Variants in NFIC observed in about 807,000 individuals in gnomAD.
NFIC encodes nuclear factor I C.
A neutral mutation model predicts 54.4 loss-of-function variants in NFIC; 12 were observed. The ratio of observed to expected loss-of-function variants is 0.22; its 90% CI spans 0.14 to 0.36. The LOEUF is 0.36. NFIC is among the 10% of genes least tolerant of loss of function. The pLI, the probability that NFIC is intolerant of heterozygous loss-of-function variation, is 1.00. For missense variants in NFIC, 575 were observed against 718.2 expected, an observed-to-expected ratio of 0.80 and a Z score of 2.28; for synonymous variants, 322 against 319.2, an observed-to-expected ratio of 1.01 and a Z score of -0.09.
rs555519692 is a variant in NFIC at position 3,409,773 on chromosome 19, AG to A, written c.563-15332del. 4.1e-4 allele frequency among the ~76,000 whole-genome samples: 62 copies of A among 152,332 alleles called. No homozygotes were observed. In the South Asian group the frequency reaches 0.012, roughly 30 times the overall value. On this transcript the variant is annotated intron_variant, in intron 2 of 10. Transcript: ENST00000443272. ...TGTGTCCGCCCCGTCAGTGCCATCC[AG>A]CGTGCGTGGCTGTTGTGCATCATTT...
chr19:3,359,727 T>C lies in NFIC; in HGVS notation c.3+42T>C, dbSNP rs551632058. 8.5e-6 allele frequency: 12 copies of C among 1,409,324 alleles called. No individual in the cohort carries two copies. The African/African-American group carries it at 1.3e-4, about 16-fold the overall frequency. 87.3% of individuals were successfully genotyped at this position (1,409,324 alleles called of 1,614,324 possible). A position where few individuals can be genotyped will look rare whatever the true frequency, so the allele number is the denominator to read the frequency against. On this transcript the variant is annotated intron_variant, in intron 1 of 9. Coordinates refer to the NFIC transcript ENST00000395111. ...ACTTTCGTTTTCGCCCGGGGACTTTTTGGGGTGGTGCGTGGGCTCCGGGCG... is the reference window on the plus strand; with the variant it reads ...ACTTTCGTTTTCGCCCGGGGACTTTCTGGGGTGGTGCGTGGGCTCCGGGCG...
upstream of NFIC, among the ~76,000 whole-genome samples, chr19:3,361,983 A>T (rs1032138731): frequency 9.2e-5 from 14 of 152,192 alleles, no homozygotes; most frequent in African/African-American, 3.4e-4. Context: ...GTGCACAGAC[A>T]CACATGGGCA....
At chr19:3,424,273 C>G (rs987344061) in intron 2 of NFIC, among the ~76,000 whole-genome samples, 1 of 152,158 alleles carries the variant, frequency 6.6e-6, no homozygotes, top group African/African-American at 2.4e-5. Flanking sequence ...AGTGATTTTC[C>G]TGCCTTGGCC....
chr19:3,444,158 T>A (rs1439982654), intron 6 of NFIC, among the ~76,000 whole-genome samples: 1 of 137,704 alleles, frequency 7.3e-6, no homozygotes, highest in African/African-American at 2.8e-5. Flanking sequence ...TCCGACGGGG[T>A]GATGAGGGCC....
chr19:3,449,206 G>T lies in NFIC; in HGVS notation c.1084+67G>T, dbSNP rs1297285359. 1.9e-6 allele frequency: 3 copies of T among 1,555,944 alleles called. No homozygotes were observed. The Admixed American group carries it at 6.0e-5, about 31-fold the overall frequency. ...TCCTATCAGGCCTCTCACAGCCGGG[G>T]AAGTCCCACTGGATGTCTGACCATG... On this transcript the variant is annotated intron_variant, in intron 7 of 10. Coordinates refer to ENST00000443272, the MANE Select transcript of NFIC (RefSeq NM_001245002.2).
At chr19:3,412,810 C>T (rs575431478) in intron 2 of NFIC, among the ~76,000 whole-genome samples, 1 of 152,280 alleles carries the variant, frequency 6.6e-6, no homozygotes, top group African/African-American at 2.4e-5. Flanking sequence ...ACCCTGACTC[C>T]CACCTCAGTG....
In NFIC at chr19:3,453,620, A is replaced by ACC. The variant is rs1422352890; in HGVS notation, c.1270-141_1270-140dup. 3 of 1,185,512 alleles carry ACC rather than the reference A, an allele frequency of 2.5e-6. No homozygotes were observed. The highest frequency in any genetic ancestry group is 3.5e-5 in the Admixed American group (1 of 28,490). The allele number at this position is 1,185,512 out of a possible 1,614,324, so 73.4% of individuals were successfully genotyped here. On this transcript the variant is annotated intron_variant, in intron 8 of 10. Coordinates refer to ENST00000443272, the MANE Select transcript of NFIC (RefSeq NM_001245002.2). The surrounding 1 kb of genome is among the most constrained non-coding windows in gnomAD (Gnocchi z 6.7). ...CTCCGGCCGTCCTCAGACCCACCAAACCCGCCATGGTCACACCCGCGCCCT... is the reference window on the plus strand; with the variant it reads ...CTCCGGCCGTCCTCAGACCCACCAAACCCCCGCCATGGTCACACCCGCGCCCT...
At chr19:3,372,417 A>G (rs1029480297) in intron 1 of NFIC, among the ~76,000 whole-genome samples, 2 of 152,074 alleles carry the variant, frequency 1.3e-5, no homozygotes. Flanking sequence ...ATGGGGGTGC[A>G]TGGATAAGGG....
chr19:3,462,994 CAAG>C lies in NFIC; in HGVS notation c.*230_*232del, dbSNP rs1323809519. The C allele has an allele frequency of 1.4e-6, 2 of 1,403,742 alleles. No individual in the cohort carries two copies. 87.0% of individuals were successfully genotyped at this position (1,403,742 alleles called of 1,614,324 possible). On this transcript the variant is annotated 3_prime_UTR_variant, in exon 11 of 11. Transcript: ENST00000443272. Reference sequence around the variant, plus strand: ...AAGAAGAAATAAAAACCCACCCAAGCAAGAAGACAAAAGGTAAAGACGCAACGT... The same window carrying C: ...AAGAAGAAATAAAAACCCACCCAAGCAAGACAAAAGGTAAAGACGCAACGT...
Position 3,452,028 on chromosome 19 carries a change from T to G in NFIC, c.1085-454T>G, listed in dbSNP as rs1182131724. Among the ~76,000 whole-genome samples the G allele has an allele frequency of 6.7e-6, 1 of 149,200 alleles. No individual in the cohort carries two copies. Among genetic ancestry groups the G allele is most frequent in the Non-Finnish European group, 1.5e-5 (1 of 67,464 alleles). The stretch of plus-strand genomic sequence containing the variant: ...GCTACTCGGGAGGCTGAGGCAGAAT[T>G]GCTTGAACCCAGGAGGTGGAGGTTG... On this transcript the variant is annotated intron_variant, in intron 7 of 10. Transcript: ENST00000443272. The surrounding 1 kb of genome is among the most constrained non-coding windows in gnomAD (Gnocchi z 5.3).
At chr19:3,399,732 C>T (rs60120291) in intron 2 of NFIC, among the ~76,000 whole-genome samples, 2 of 151,396 alleles carry the variant, frequency 1.3e-5, no homozygotes, top group African/African-American at 2.4e-5. Flanking sequence ...ATTAGCTGGG[C>T]GTGTGGTGGG....
At chr19:3,428,723 G>T (rs1399532285) in intron 3 of NFIC, among the ~76,000 whole-genome samples, 1 of 152,116 alleles carries the variant, frequency 6.6e-6, no homozygotes, top group African/African-American at 2.4e-5. Context: ...GGGGAGCTTG[G>T]GCGTCTGGTA....
At chr19:3,372,441 A>G (rs1221528488) in intron 1 of NFIC, among the ~76,000 whole-genome samples, 3 of 152,208 alleles carry the variant, frequency 2.0e-5, no homozygotes, top group African/African-American at 4.8e-5. Context: ...TCCCAGAGGC[A>G]GAAGATGGGA....
chr19:3,464,838 T>A lies in NFIC; in HGVS notation c.*2069T>A. On this transcript the variant is annotated 3_prime_UTR_variant, in exon 11 of 11. Coordinates refer to ENST00000443272, the MANE Select transcript of NFIC (RefSeq NM_001245002.2). ...TCGGGGCCCGCTCCCCCGGTGGCCC[T>A]TGGGGATCAAAGCGTGGGCCGCTCT... 2.2e-6 allele frequency: 1 copy of A among 458,808 alleles called. No homozygotes were observed. Among genetic ancestry groups the A allele is most frequent in the Non-Finnish European group, 2.9e-6 (1 of 349,194 alleles). The allele number at this position is 458,808 out of a possible 1,614,324, so 28.4% of individuals were successfully genotyped here.
chr19:3,381,499 G>C (rs2081206667), intron 1 of NFIC, among the ~76,000 whole-genome samples: 2 of 152,218 alleles, frequency 1.3e-5, no homozygotes, highest in South Asian at 2.1e-4. Context: ...GGTTCTTGCA[G>C]GTCCCTGATA....
At chr19:3,399,780 A>C (rs956808517) in intron 2 of NFIC, among the ~76,000 whole-genome samples, 11 of 152,072 alleles carry the variant, frequency 7.2e-5, no homozygotes, top group Non-Finnish European at 1.3e-4. Context: ...CTGAGGCAGA[A>C]GAATCACTTG....
chr19:3,368,947 G>GTGTC, intron 1 of NFIC, among the ~76,000 whole-genome samples: 1 of 141,274 alleles, frequency 7.1e-6, no homozygotes, highest in African/African-American at 2.5e-5. Context: ...GTGTGTGTGT[G>GTGTC]TCTGTTTCTC....
rs2080992257 is a variant in NFIC, at chr19:3,370,726, C to G, written c.30+4060C>G. ...TTTCTTTCTCCCTCCCTTCCTCTCT[C>G]TCTGTTCCTCCTCTTCTTTCTCTCT... On this transcript the variant is annotated intron_variant, in intron 1 of 10. Coordinates refer to ENST00000443272, the MANE Select transcript of NFIC (RefSeq NM_001245002.2). The surrounding 1 kb of genome is among the most constrained non-coding windows in gnomAD (Gnocchi z 5.2). Among the ~76,000 whole-genome samples the G allele has an allele frequency of 6.6e-6, 1 of 151,870 alleles. No homozygotes were observed. The highest frequency in any genetic ancestry group is 6.6e-5 in the Admixed American group (1 of 15,234).
intron 2 of NFIC, among the ~76,000 whole-genome samples, chr19:3,387,589 C>G (rs950251089): frequency 3.3e-5 from 5 of 151,868 alleles, no homozygotes; most frequent in African/African-American, 7.3e-5. Context: ...GGGGGCCACT[C>G]TGGATGGGGA....
Sources: allele counts gnomAD v4.1 joint callset (sites outside exome capture counted in the v4.1 genomes callset), GRCh38; gene constraint gnomAD v4.1.1; non-coding constraint Gnocchi (gnomAD v3.1); transcripts MANE v1.5; gene names NCBI Gene and HGNC (gene_info 2026-07-23, HGNC 2026-07-21).